The following SCAI variants were observed in gnomAD, a reference collection of about 807,000 sequenced individuals.
The protein encoded by SCAI is suppressor of cancer cell invasion.
In SCAI, 24 loss-of-function variants were observed where a neutral mutation model predicts 92.2. The ratio of observed to expected loss-of-function variants is 0.26; its 90% CI spans 0.19 to 0.37. SCAI has a LOEUF of 0.37. SCAI is among the 10% of genes least tolerant of loss of function. The probability of loss-of-function intolerance (pLI) is 1.00; values close to 1 mark genes in which losing one functional copy is unlikely to be tolerated. For synonymous variants in SCAI, 261 were observed against 258.6 expected, an observed-to-expected ratio of 1.01 and a Z score of -0.09; for missense variants, 450 against 736.2, an observed-to-expected ratio of 0.61 and a Z score of 4.50.
chr9:125,092,297 A>AT (rs1834447272), intron 2 of SCAI, among the ~76,000 whole-genome samples: 2 of 151,870 alleles, frequency 1.3e-5, no homozygotes, highest in African/African-American at 4.8e-5. Flanking sequence ...GTCTCTACTA[A>AT]AAAATAAATA....
intron 9 of SCAI, among the ~76,000 whole-genome samples, chr9:125,009,136 T>C (rs1832575713): frequency 6.6e-6 from 1 of 151,428 alleles, no homozygotes; most frequent in Admixed American, 6.6e-5. Context: ...AATAAGAAAA[T>C]ACATTCAACT....
At chr9:125,073,092 ATTTTTTTTTTTT>A (rs764858681) in intron 2 of SCAI, among the ~76,000 whole-genome samples, 40 of 72,480 alleles carry the variant, frequency 5.5e-4, no homozygotes, top group Admixed American at 2.6e-3. Flanking sequence ...TCTATTTTTA[ATTTTTTTTTTTT>A]TTTTTTTTTT....
At chr9:125,039,186 A>C (rs1158595015) in intron 3 of SCAI, among the ~76,000 whole-genome samples, 1 of 152,150 alleles carries the variant, frequency 6.6e-6, no homozygotes, top group Non-Finnish European at 1.5e-5. Flanking sequence ...AAGAGAGCAG[A>C]CCATTCTGGC....
intron 3 of SCAI, among the ~76,000 whole-genome samples, chr9:125,046,958 G>A (rs1321838947): frequency 1.3e-5 from 2 of 151,854 alleles, no homozygotes; most frequent in South Asian, 4.2e-4. Context: ...TAGATTCTGG[G>A]GAAATGGTGA....
intron 2 of SCAI, among the ~76,000 whole-genome samples, chr9:125,067,220 C>G (rs1026473988): frequency 1.3e-5 from 2 of 152,018 alleles, no homozygotes; most frequent in Non-Finnish European, 2.9e-5. Context: ...TGAATTGTGT[C>G]CCCCTTAAAA....
chr9:125,050,201 T>C (rs956557128), intron 3 of SCAI, among the ~76,000 whole-genome samples: 2 of 152,120 alleles, frequency 1.3e-5, no homozygotes, highest in African/African-American at 4.8e-5. Flanking sequence ...CCAATGCTGG[T>C]CCAGACCACT....
At chr9:125,114,535 G>A (rs1407060933) in intron 2 of SCAI, among the ~76,000 whole-genome samples, 1 of 152,074 alleles carries the variant, frequency 6.6e-6, no homozygotes. Context: ...GAAAACAACT[G>A]TCCATATTTA....
chr9:125,088,682 T>A (rs1485376101), intron 2 of SCAI, among the ~76,000 whole-genome samples: 1 of 152,244 alleles, frequency 6.6e-6, no homozygotes, highest in East Asian at 1.9e-4. Flanking sequence ...CTCGCTATTT[T>A]GCCCATGCTG....
rs146283072 is a variant in SCAI, at chr9:124,961,581, C to T, written c.1675-8628G>A. ...AGGAGAATTGCTTGAACCCAGGAGG[C>T]AGAAGTTGCAGTGAGCAGTGATCAC... On this transcript the variant is annotated intron_variant, in intron 17 of 17. Transcript: ENST00000336505. Among the ~76,000 whole-genome samples, 56 of 146,804 alleles carry T rather than the reference C, an allele frequency of 3.8e-4. 1 individual carries two copies. The highest frequency in any genetic ancestry group is 1.3e-3 in the African/African-American group (51 of 39,744).
Position 125,089,690 on chromosome 9 carries a change from G to C in SCAI, c.99-33683C>G, listed in dbSNP as rs202229405. Among the ~76,000 whole-genome samples the C allele has an allele frequency of 9.2e-5, 14 of 152,032 alleles. No homozygotes were observed. In the East Asian group the frequency reaches 1.2e-3, roughly 13 times the overall value. Reference sequence around the variant, plus strand: ...GGTTTTTTTTTGGTTTGGGGTTGGGGGGGGCAGTGTTTGTTTGTTTTGTTT... The same window carrying C: ...GGTTTTTTTTTGGTTTGGGGTTGGGCGGGGCAGTGTTTGTTTGTTTTGTTT... On this transcript the variant is annotated intron_variant, in intron 2 of 17. Coordinates refer to ENST00000336505, the MANE Select transcript of SCAI (RefSeq NM_001144877.3).
chr9:125,116,234 G>A (rs1406699006), intron 2 of SCAI, among the ~76,000 whole-genome samples: 2 of 152,052 alleles, frequency 1.3e-5, no homozygotes, highest in Non-Finnish European at 2.9e-5. Context: ...ATGCTTTTGT[G>A]TATATATTAG....
chr9:125,002,966 T>C (rs1006409008), intron 11 of SCAI, 148 bp downstream of exon 11: 52 of 508,516 alleles, frequency 1.0e-4, no homozygotes, highest in Non-Finnish European at 1.6e-4. Context: ...AAAACAAAAA[T>C]ATCTATTATC....
chr9:124,998,121 A>G (rs561550970), intron 13 of SCAI, among the ~76,000 whole-genome samples: 4 of 152,132 alleles, frequency 2.6e-5, no homozygotes, highest in African/African-American at 9.6e-5. Flanking sequence ...TCTATTTGTA[A>G]TCATGTAACA....
At chr9:124,989,471 C>T (rs1381070599) in intron 14 of SCAI, among the ~76,000 whole-genome samples, 1 of 152,026 alleles carries the variant, frequency 6.6e-6, no homozygotes, top group East Asian at 1.9e-4. Context: ...ATCCCAGCTA[C>T]TCAGGACGTT....
At position 124,957,696 on chromosome 9, in the gene SCAI, TA is replaced by T. The variant is rs548800618; in HGVS notation, c.1675-4744del. Among the ~76,000 whole-genome samples the T allele has an allele frequency of 2.3e-3, 323 of 138,378 alleles. 2 individuals carry two copies. The highest frequency in any genetic ancestry group is 8.2e-3 in the African/African-American group (282 of 34,220). 90.8% of individuals were successfully genotyped at this position (138,378 alleles called of 152,430 possible). A position where few individuals can be genotyped will look rare whatever the true frequency, so the allele number is the denominator to read the frequency against. On this transcript the variant is annotated intron_variant, in intron 17 of 17. Transcript: ENST00000336505. ...AATAATACAATTTTTTTTTTTTTTT[TA>T]AAAAGACGGAGTCTCACTCTGTTGC...
intron 2 of SCAI, among the ~76,000 whole-genome samples, chr9:125,063,109 C>A (rs901518498): frequency 3.7e-4 from 55 of 149,700 alleles, no homozygotes; most frequent in Non-Finnish European, 1.8e-4. Context: ...CCCACCCCCC[C>A]CAGAAAAGGG....
chr9:124,966,008 C>T (rs1831532807), intron 17 of SCAI, among the ~76,000 whole-genome samples: 1 of 152,154 alleles, frequency 6.6e-6, no homozygotes, highest in Admixed American at 6.5e-5. Context: ...GAGCTTACTG[C>T]CAGAGCAACA....
intron 3 of SCAI, among the ~76,000 whole-genome samples, chr9:125,038,532 C>T (rs1772925195): frequency 6.6e-6 from 1 of 152,162 alleles, no homozygotes; most frequent in South Asian, 2.1e-4. Flanking sequence ...TCTTCTTGAT[C>T]TGCTTACCTA....
Position 125,123,543 on chromosome 9 carries a change from GAGGC to G in SCAI, c.98+19086_98+19089del, listed in dbSNP as rs1462515784. ...TGTAATCCCAGCACTTCGGGAGGCC[GAGGC>G]AGGTGGATCACGAGGTCAGGAGATC... is the stretch of plus-strand genomic sequence containing the variant. On this transcript the variant is annotated intron_variant, in intron 2 of 17. Coordinates refer to ENST00000336505, the MANE Select transcript of SCAI (RefSeq NM_001144877.3). Among the ~76,000 whole-genome samples the G allele has an allele frequency of 3.3e-5, 5 of 152,316 alleles. No individual in the cohort carries two copies. In the East Asian group the frequency reaches 7.7e-4, roughly 23 times the overall value.
Sources: gnomAD v4.1 joint callset for allele counts (sites outside exome capture counted in the v4.1 genomes callset) on GRCh38, gnomAD v4.1.1 for gene constraint, MANE v1.5 for transcripts, NCBI Gene and HGNC (gene_info 2026-07-23, HGNC 2026-07-21) for gene names.